The following FRMD6 variants were observed in gnomAD, a reference collection of about 807,000 sequenced individuals.
FRMD6 encodes the protein FERM domain containing 6, also known as FERM domain-containing protein 6.
A neutral mutation model predicts 73.2 loss-of-function variants in FRMD6; 37 were observed. That is an observed-to-expected ratio of 0.51 (90% CI 0.39 to 0.66). FRMD6 has a LOEUF of 0.66. Among genes scored for constraint, FRMD6 ranks in the 30% least tolerant of loss-of-function variants. The pLI, the probability that FRMD6 is intolerant of heterozygous loss-of-function variation, is 0.00. For synonymous variants in FRMD6, 273 were observed against 282.2 expected, an observed-to-expected ratio of 0.97 and a Z score of 0.33; for missense variants, 714 against 780.5, an observed-to-expected ratio of 0.91 and a Z score of 1.02.
chr14:51,712,474 T>C lies in FRMD6; in HGVS notation c.781-9T>C, dbSNP rs1333923778. ...TCCCATTAACTCCATATGCATATTC[T>C]TTTCACAGAATTTAGATGAAGAGAA... On this transcript the variant is annotated splice_polypyrimidine_tract_variant and intron_variant, in intron 8 of 13. Coordinates refer to ENST00000344768, the MANE Select transcript of FRMD6 (RefSeq NM_001267046.2). 1.3e-6 allele frequency: 2 copies of C among 1,554,492 alleles called. No individual in the cohort carries two copies. Among genetic ancestry groups the C allele is most frequent in the Non-Finnish European group, 8.9e-7 (1 of 1,127,914 alleles).
At chr14:51,637,385 G>A (rs1417733983) in intron 2 of FRMD6, 2 of 151,774 alleles carry the variant, frequency 1.3e-5, no homozygotes, top group Non-Finnish European at 2.9e-5. Context: ...ATTGATTTAT[G>A]TGCTCCCATA....
intron 1 of FRMD6, among the ~76,000 whole-genome samples, chr14:51,550,777 G>C (rs1187781762): frequency 6.6e-6 from 1 of 152,186 alleles, no homozygotes; most frequent in Admixed American, 6.5e-5. Context: ...ACATTGTACA[G>C]TGCGTGACAG....
intron 3 of FRMD6, among the ~76,000 whole-genome samples, chr14:51,699,517 A>G (rs1896156421): frequency 1.3e-5 from 2 of 152,090 alleles, no homozygotes; most frequent in South Asian, 4.1e-4. Context: ...CTTTTTAAAA[A>G]AGAGATAGTA....
At chr14:51,470,556 CTATT>C in the FRMD6 span, among the ~76,000 whole-genome samples, 49 of 151,946 alleles carry the variant, frequency 3.2e-4, no homozygotes, top group African/African-American at 1.2e-3. Flanking sequence ...TTTTATCTAT[CTATT>C]GTCTGTCTAT....
chr14:51,653,844 A>C (rs73292762), intron 1 of FRMD6, among the ~76,000 whole-genome samples: 1 of 152,236 alleles, frequency 6.6e-6, no homozygotes, highest in African/African-American at 2.4e-5. Flanking sequence ...TTCATATTTC[A>C]TATTAAAATG....
chr14:51,486,713 G>A (rs372213569), upstream of FRMD6, among the ~76,000 whole-genome samples: 1 of 152,156 alleles, frequency 6.6e-6, no homozygotes, highest in South Asian at 2.1e-4. Flanking sequence ...GTTGAAAGTG[G>A]ATGAGAAATT....
intron 1 of FRMD6, among the ~76,000 whole-genome samples, chr14:51,505,857 T>A (rs919391358): frequency 1.3e-5 from 2 of 152,152 alleles, no homozygotes; most frequent in African/African-American, 4.8e-5. Flanking sequence ...TGGCTCTCAG[T>A]TTCTTCACAC....
chr14:51,473,381 T>G, the FRMD6 span, among the ~76,000 whole-genome samples: 3 of 152,236 alleles, frequency 2.0e-5, no homozygotes, highest in African/African-American at 7.2e-5. Context: ...CCATCACTAC[T>G]GCTCCTCTGC....
chr14:51,506,710 C>T (rs575107407), intron 1 of FRMD6, among the ~76,000 whole-genome samples: 15 of 152,252 alleles, frequency 9.9e-5, no homozygotes, highest in African/African-American at 3.6e-4. Context: ...ATGATCTGAG[C>T]AGCATTTGGT....
intron 9 of FRMD6, chr14:51,714,074 G>A (rs1897106950): frequency 6.6e-6 from 1 of 152,172 alleles, no homozygotes; most frequent in South Asian, 2.1e-4. Context: ...ATTTTGACAA[G>A]TTTCTCAGAT....
At chr14:51,440,068 A>G in the FRMD6 span, among the ~76,000 whole-genome samples, 1 of 152,184 alleles carries the variant, frequency 6.6e-6, no homozygotes, top group Non-Finnish European at 1.5e-5. Context: ...AGGAAAACAA[A>G]CCCTTGTTAA....
the FRMD6 span, among the ~76,000 whole-genome samples, chr14:51,413,627 A>G: frequency 1.3e-5 from 2 of 152,216 alleles, no homozygotes; most frequent in Non-Finnish European, 2.9e-5. Context: ...ATATGTGTGC[A>G]TGTGTCTTTA....
At chr14:51,581,262 T>C (rs992964421) in intron 2 of FRMD6, among the ~76,000 whole-genome samples, 13 of 152,198 alleles carry the variant, frequency 8.5e-5, no homozygotes, top group Non-Finnish European at 1.9e-4. Flanking sequence ...CTTTATCTAC[T>C]ACCTCCTCTC....
At chr14:51,680,411 A>C (rs1176746006) in intron 1 of FRMD6, among the ~76,000 whole-genome samples, 1 of 152,162 alleles carries the variant, frequency 6.6e-6, no homozygotes, top group East Asian at 1.9e-4. Flanking sequence ...ATTTAATTTA[A>C]GATGTAGTTG....
intron 1 of FRMD6, among the ~76,000 whole-genome samples, chr14:51,492,030 G>T (rs1442757526): frequency 1.3e-5 from 2 of 152,186 alleles, no homozygotes; most frequent in African/African-American, 2.4e-5. Context: ...TGTGCATCTT[G>T]TTCTTTCCTT....
the FRMD6 span, among the ~76,000 whole-genome samples, chr14:51,428,976 C>CAGAGGGGAGAGAGAGGGTGAG: frequency 1.1e-4 from 6 of 54,968 alleles, no homozygotes; most frequent in Non-Finnish European, 1.7e-4. Context: ...GGGTGAGAGA[C>CAGAGGGGAGAGAGAGGGTGAG]AGAGGGGAGA....
At chr14:51,580,017 T>A (rs961173108) in intron 2 of FRMD6, among the ~76,000 whole-genome samples, 2 of 152,124 alleles carry the variant, frequency 1.3e-5, no homozygotes, top group African/African-American at 4.8e-5. Flanking sequence ...AACAATGATG[T>A]TTGAATGGAC....
At chr14:51,428,318 G>A in the FRMD6 span, among the ~76,000 whole-genome samples, 1 of 152,086 alleles carries the variant, frequency 6.6e-6, no homozygotes, top group African/African-American at 2.4e-5. Context: ...AGGAATTGGT[G>A]TCACGTGCCC....
At chr14:51,549,458 G>T (rs1052588950) in intron 1 of FRMD6, among the ~76,000 whole-genome samples, 4 of 152,012 alleles carry the variant, frequency 2.6e-5, no homozygotes, top group African/African-American at 9.7e-5. Context: ...TTTGTGGAAG[G>T]GTGTTATTCC....
Sources: gnomAD v4.1 joint callset for allele counts (sites outside exome capture counted in the v4.1 genomes callset) on GRCh38, gnomAD v4.1.1 for gene constraint, MANE v1.5 for transcripts, NCBI Gene and HGNC (gene_info 2026-07-23, HGNC 2026-07-21) for gene names.